PKHD1: variants seen among roughly 807,000 people sequenced by gnomAD.
The protein encoded by PKHD1 is fibrocystin.
A neutral mutation model predicts 412.0 loss-of-function variants in PKHD1; 291 were observed. The observed-to-expected ratio is 0.71, with a 90% CI of 0.64 to 0.78. PKHD1 has a LOEUF of 0.78. Among genes scored for constraint, PKHD1 ranks in the 30% least tolerant of loss-of-function variants. The probability of loss-of-function intolerance (pLI) is 0.00; values close to 1 mark genes in which losing one functional copy is unlikely to be tolerated. For missense variants in PKHD1, 4,825 were observed against 4,950.7 expected (o/e 0.97, Z 0.76); for synonymous variants, 1,777 against 1,821.5 (o/e 0.98, Z 0.62).
intron 64 of PKHD1, among the ~76,000 whole-genome samples, chr6:51,635,720 T>C (rs2580022): frequency 1.3e-5 from 2 of 150,974 alleles, no homozygotes; most frequent in Non-Finnish European, 3.0e-5. Context: ...TCCAAAAGAG[T>C]CCTCTTTGAG....
At chr6:52,074,184 G>A (rs555448745) in intron 6 of PKHD1, among the ~76,000 whole-genome samples, 78 of 152,320 alleles carry the variant, frequency 5.1e-4, no homozygotes, top group African/African-American at 1.7e-3. Flanking sequence ...GGACTCATGA[G>A]GTCATGAAAT....
rs181957793 is a variant in PKHD1, at chr6:52,048,123, C to T, written c.2407+369G>A. Among the ~76,000 whole-genome samples the T allele has an allele frequency of 3.6e-3, 547 of 152,316 alleles. 2 individuals carry two copies. Among genetic ancestry groups the T allele is most frequent in the Middle Eastern group, 0.014 (4 of 294 alleles). On this transcript the variant is annotated intron_variant, in intron 23 of 66. Coordinates refer to ENST00000371117, the MANE Select transcript of PKHD1 (RefSeq NM_138694.4). ...AGAAGAGGCAGGAGCAAATACTTCA[C>T]AGGAGTGTGGCCCTGCCGACAACTT...
Position 51,868,067 on chromosome 6 carries a change from G to C in PKHD1, c.7529C>G (p.Ser2510Cys), listed in dbSNP as rs1775373904. 1 of 1,611,664 alleles carries C rather than the reference G, an allele frequency of 6.2e-7. No individual in the cohort carries two copies. The highest frequency in any genetic ancestry group is 8.5e-7 in the Non-Finnish European group (1 of 1,177,978). ...AAATGGAAATGCCACTAAGTTTGAA[G>C]AGTTTGTAAACTTCAACTGGCTGGT... ...VKTSQLKFTN[S>C]SNLVAFPFPH... Residue 2510 changes from serine (S) to cysteine (C), a missense_variant, in exon 48 of 67, where the codon TCT becomes TGT. Coordinates refer to ENST00000371117, the MANE Select transcript of PKHD1 (RefSeq NM_138694.4).
chr6:51,943,000 T>C (rs1333927556), intron 36 of PKHD1, among the ~76,000 whole-genome samples: 2 of 151,566 alleles, frequency 1.3e-5, no homozygotes, highest in South Asian at 4.2e-4. Flanking sequence ...GTAGACACTT[T>C]CACTGGATAG....
intron 54 of PKHD1, among the ~76,000 whole-genome samples, chr6:51,775,561 AATG>A (rs1198130203): frequency 6.6e-6 from 1 of 151,938 alleles, no homozygotes; most frequent in Non-Finnish European, 1.5e-5. Flanking sequence ...CTTAATCCAT[AATG>A]CTGACACTAT....
chr6:52,053,443 C>T lies in PKHD1; in HGVS notation c.1965-192G>A, dbSNP rs533779597. ...CCACCCAAGATGGGATCAGCTCAGCCTTGGTTATAATGCTAGTAGTCACCT... is the reference window on the plus strand; with the variant it reads ...CCACCCAAGATGGGATCAGCTCAGCTTTGGTTATAATGCTAGTAGTCACCT... On this transcript the variant is annotated intron_variant, in intron 20 of 66. Coordinates refer to ENST00000371117, the MANE Select transcript of PKHD1 (RefSeq NM_138694.4). Among the ~76,000 whole-genome samples the T allele has an allele frequency of 3.3e-5, 5 of 152,334 alleles. No individual in the cohort carries two copies. In the East Asian group the frequency reaches 5.8e-4, roughly 18 times the overall value.
chr6:52,085,632 T>A (rs1383515713), intron 1 of PKHD1, among the ~76,000 whole-genome samples: 1 of 152,226 alleles, frequency 6.6e-6, no homozygotes, highest in African/African-American at 2.4e-5. Flanking sequence ...ACTTCCGTGC[T>A]GTAGAGCCTA....
Position 51,777,656 on chromosome 6 carries a change from G to A in PKHD1, c.8441-1735C>T, listed in dbSNP as rs144153491. ...CCAACTGTGATTTCATTTATTTCAC[G>A]GAGGGTAGTTTAGAGTCTTTGGGAA... On this transcript the variant is annotated intron_variant, in intron 53 of 66. Transcript: ENST00000371117. Among the ~76,000 whole-genome samples, 169 of 135,546 alleles carry A rather than the reference G, an allele frequency of 1.2e-3. 1 individual carries two copies. In the East Asian group the frequency reaches 0.03, roughly 24 times the overall value. 88.9% of individuals were successfully genotyped at this position (135,546 alleles called of 152,430 possible).
Position 51,870,711 on chromosome 6 carries a change from A to G in PKHD1, c.7351-72T>C, listed in dbSNP as rs918155958. On this transcript the variant is annotated intron_variant, in intron 46 of 66. Transcript: ENST00000371117. The stretch of plus-strand genomic sequence containing the variant: ...ACACATGAAATACAATTCATAATGC[A>G]TGAATAAAAACAAAGATAAAAAAGC... The G allele has an allele frequency of 1.1e-4, 127 of 1,201,194 alleles. No individual in the cohort carries two copies. In the East Asian group the frequency reaches 2.4e-3, roughly 23 times the overall value. The allele number at this position is 1,201,194 out of a possible 1,614,324, so 74.4% of individuals were successfully genotyped here.
At chr6:51,986,066 G>C (rs76322278) in intron 35 of PKHD1, among the ~76,000 whole-genome samples, 3,085 of 152,246 alleles carry the variant, frequency 0.02, 52 homozygotes, top group South Asian at 0.049. Context: ...AGGTAAAAAC[G>C]TAATGGGATT....
chr6:51,774,393 C>T (rs1451476501), intron 54 of PKHD1, among the ~76,000 whole-genome samples: 4 of 151,968 alleles, frequency 2.6e-5, no homozygotes, highest in Non-Finnish European at 4.4e-5. Context: ...GGGATCAGAG[C>T]AGGCATCTGT....
Position 51,619,390 on chromosome 6 carries a change from A to G in PKHD1, c.11916T>C (p.Thr3972=), listed in dbSNP as rs1473205243. 3.7e-6 allele frequency: 6 copies of G among 1,613,748 alleles called. No individual in the cohort carries two copies. In the Admixed American group the frequency reaches 1.0e-4, roughly 27 times the overall value. ...TGTGCCCATGGGATGTGATGCCAGT[A>G]GTACCAGGAGCAGGCACAGCAGCCT... is the stretch of plus-strand genomic sequence containing the variant. The part of the protein sequence containing the change: ...EEEAAVPAPG[T]TGITSHGHIC... The change falls in exon 67 of 67, where the codon ACT becomes ACC. Residue 3972 remains threonine, a synonymous_variant. Coordinates refer to ENST00000371117, the MANE Select transcript of PKHD1 (RefSeq NM_138694.4).
Position 52,048,483 on chromosome 6 carries a change from C to T in PKHD1, c.2407+9G>A. 6.2e-7 allele frequency: 1 copy of T among 1,613,956 alleles called. No individual in the cohort carries two copies. Among genetic ancestry groups the T allele is most frequent in the Middle Eastern group, 1.7e-4 (1 of 6,060 alleles). On this transcript the variant is annotated intron_variant, in intron 23 of 66. Transcript: ENST00000371117. ...GTGAGAATTGTTGCAACCCCAATCA[C>T]CCCTTTACCAGAAATCACTGTATTA...
chr6:51,834,302 C>A (rs1768796851), intron 51 of PKHD1, among the ~76,000 whole-genome samples: 1 of 152,106 alleles, frequency 6.6e-6, no homozygotes, highest in Admixed American at 6.6e-5. Flanking sequence ...AAGACTAGGG[C>A]TGCCTGATTC....
intron 45 of PKHD1, among the ~76,000 whole-genome samples, chr6:51,883,978 A>G (rs1356950924): frequency 2.0e-5 from 3 of 152,188 alleles, no homozygotes; most frequent in African/African-American, 4.8e-5. Context: ...TGGCCTCTCA[A>G]TCTTGGACTT....
Position 51,649,115 on chromosome 6 carries a change from C to T in PKHD1, c.11280G>A (p.Val3760=), listed in dbSNP as rs1244298365. ...SDGEVGNELP[V]QPQLVFLDEQ... ...CATCCAAAAATACCAATTGTGGCTG[C>T]ACTGGAAGCTCATTTCCCACTTCTC... Residue 3760 remains valine (V), a synonymous_variant, in exon 62 of 67, where the codon GTG becomes GTA. Coordinates refer to ENST00000371117, the MANE Select transcript of PKHD1 (RefSeq NM_138694.4). 1 of 1,613,846 alleles carries T rather than the reference C, an allele frequency of 6.2e-7. No homozygotes were observed. Among genetic ancestry groups the T allele is most frequent in the South Asian group, 1.1e-5 (1 of 91,080 alleles).
At chr6:51,979,025 CAG>C (rs746000938) in intron 35 of PKHD1, among the ~76,000 whole-genome samples, 5 of 152,174 alleles carry the variant, frequency 3.3e-5, no homozygotes, top group South Asian at 2.1e-4. Context: ...ATCAAGTTTA[CAG>C]AGTTACCAAA....
intron 37 of PKHD1, among the ~76,000 whole-genome samples, chr6:51,932,600 G>A (rs969304935): frequency 1.3e-5 from 2 of 152,176 alleles, no homozygotes; most frequent in Admixed American, 6.5e-5. Flanking sequence ...TGAAAACCAT[G>A]GCTGACGTGG....
At chr6:52,007,425 C>T (rs1002229029) in intron 35 of PKHD1, among the ~76,000 whole-genome samples, 4 of 152,172 alleles carry the variant, frequency 2.6e-5, no homozygotes, top group Non-Finnish European at 5.9e-5. Flanking sequence ...CTGGTCTTCC[C>T]CACGCCCAGA....
Sources: allele counts gnomAD v4.1 joint callset (sites outside exome capture counted in the v4.1 genomes callset), GRCh38; gene constraint gnomAD v4.1.1; transcripts MANE v1.5; gene names NCBI Gene and HGNC (gene_info 2026-07-23, HGNC 2026-07-21).